The following MINDY2 variants were observed in gnomAD, a reference collection of about 807,000 sequenced individuals.
MINDY2 encodes the protein MINDY lysine 48 deubiquitinase 2.
A neutral mutation model predicts 68.2 loss-of-function variants in MINDY2; 52 were observed. The observed-to-expected ratio is 0.76, with a 90% CI of 0.61 to 0.96. The LOEUF is 0.96. Ranked by LOEUF, MINDY2 falls within the 40% of genes least tolerant of loss-of-function variation. The pLI, the probability that MINDY2 is intolerant of heterozygous loss-of-function variation, is 0.00. For missense variants in MINDY2, 881 were observed against 773.4 expected, an observed-to-expected ratio of 1.14 and a Z score of -1.65; for synonymous variants, 372 against 303.0, an observed-to-expected ratio of 1.23 and a Z score of -2.36.
chr15:58,825,279 A>G (rs2031320373), intron 5 of MINDY2, among the ~76,000 whole-genome samples: 1 of 152,200 alleles, frequency 6.6e-6, no homozygotes, highest in African/African-American at 2.4e-5. Context: ...TTTAGATAAC[A>G]TTTGCTTTCC....
chr15:58,778,572 A>C (rs1900922386), intron 1 of MINDY2, among the ~76,000 whole-genome samples: 1 of 151,480 alleles, frequency 6.6e-6, no homozygotes, highest in Non-Finnish European at 1.5e-5. Context: ...CTAAATCAAA[A>C]CACACTAAAA....
intron 6 of MINDY2, among the ~76,000 whole-genome samples, chr15:58,838,650 A>G (rs1233567995): frequency 7.6e-6 from 1 of 131,398 alleles, no homozygotes; most frequent in East Asian, 2.8e-4. Context: ...GCGGTGGCAC[A>G]ATCTCAGCTC....
At chr15:58,818,976 G>C (rs1016147518) in intron 4 of MINDY2, among the ~76,000 whole-genome samples, 3 of 151,854 alleles carry the variant, frequency 2.0e-5, no homozygotes, top group Admixed American at 1.3e-4. Context: ...GTTGGGTTTT[G>C]GGGGGTTTTG....
intron 6 of MINDY2, among the ~76,000 whole-genome samples, chr15:58,845,599 G>A (rs932904653): frequency 4.6e-5 from 7 of 152,156 alleles, no homozygotes; most frequent in Admixed American, 1.3e-4. Flanking sequence ...CTGTTGATGG[G>A]AATATAAATG....
intron 2 of MINDY2, among the ~76,000 whole-genome samples, chr15:58,791,620 A>ATGTG (rs1491325995): frequency 0.017 from 1,351 of 80,748 alleles, 18 homozygotes; most frequent in South Asian, 0.07. Flanking sequence ...CTGTCTCAAA[A>ATGTG]TATGTGTGTG....
intron 4 of MINDY2, among the ~76,000 whole-genome samples, chr15:58,819,190 T>A (rs1427691666): frequency 4.6e-5 from 7 of 152,208 alleles, no homozygotes; most frequent in Non-Finnish European, 8.8e-5. Flanking sequence ...GGCTAACGCC[T>A]GTGATCCCAA....
chr15:58,861,510 A>AT lies in MINDY2; in HGVS notation c.*6906dup, dbSNP rs1410799466. ...TTCATAGGAAAGAGCATTGAAATAC[A>AT]TTTTTTGCATAAAGATACCTAAAAC... On this transcript the variant is annotated 3_prime_UTR_variant, in exon 9 of 9. Transcript: ENST00000559228. 3.3e-5 allele frequency: 5 copies of AT among 152,162 alleles called. No individual in the cohort carries two copies. Among genetic ancestry groups the AT allele is most frequent in the African/African-American group, 9.7e-5 (4 of 41,444 alleles). 9.4% of individuals were successfully genotyped at this position (152,162 alleles called of 1,614,324 possible).
chr15:58,802,340 A>G lies in MINDY2; in HGVS notation c.926A>G (p.Lys309Arg). The change falls in exon 3 of 9, where the codon AAA (lysine) becomes AGA (arginine). Residue 309 changes from lysine (K) to arginine (R), a missense_variant. Transcript: ENST00000559228. ...LGDYMLDAKP[K>R]EISEIQRLNY... ...GATTACATGCTTGATGCAAAGCCAA[A>G]AGAAATTTCAGAAATTCAACGTTTA... 1.3e-6 allele frequency: 2 copies of G among 1,589,900 alleles called. No homozygotes were observed. The highest frequency in any genetic ancestry group is 8.5e-7 in the Non-Finnish European group (1 of 1,170,318).
At chr15:58,802,690 A>T (rs1902749047) in intron 3 of MINDY2, among the ~76,000 whole-genome samples, 1 of 151,940 alleles carries the variant, frequency 6.6e-6, no homozygotes, top group African/African-American at 2.4e-5. Context: ...ATTGACTTCC[A>T]GGTCAATTTG....
At chr15:58,823,698 G>C (rs2031215333) in intron 5 of MINDY2, among the ~76,000 whole-genome samples, 1 of 151,946 alleles carries the variant, frequency 6.6e-6, no homozygotes, top group Admixed American at 6.6e-5. Context: ...ACAAAAAACA[G>C]TATAGAGTCG....
Position 58,787,975 on chromosome 15 carries a change from A to G in MINDY2, c.898+12A>G, listed in dbSNP as rs1901622467. 1 of 1,564,646 alleles carries G rather than the reference A, an allele frequency of 6.4e-7. No homozygotes were observed. Among genetic ancestry groups the G allele is most frequent in the South Asian group, 1.2e-5 (1 of 81,148 alleles). On this transcript the variant is annotated intron_variant, in intron 2 of 8. Coordinates refer to ENST00000559228, the MANE Select transcript of MINDY2 (RefSeq NM_001040450.3). ...GATGGAATATTTAGGTTAGTGTTGAAAAGTGGATTTTATATCTCTTTCAAA... is the reference window on the plus strand; with the variant it reads ...GATGGAATATTTAGGTTAGTGTTGAGAAGTGGATTTTATATCTCTTTCAAA...
intron 4 of MINDY2, among the ~76,000 whole-genome samples, chr15:58,816,321 G>T (rs2030684818): frequency 6.6e-6 from 1 of 152,238 alleles, no homozygotes. Context: ...GATTCTGGCA[G>T]ATCAATGCCA....
Position 58,852,078 on chromosome 15 carries a change from G to T in MINDY2, c.1737+113G>T, listed in dbSNP as rs151320209. On this transcript the variant is annotated intron_variant, in intron 8 of 8. Transcript: ENST00000559228. Reference sequence around the variant, plus strand: ...GAGGCAGGCAGATTGCTTGAGCCCAGGAGTTCGAGACCAGCCTGGCCAACA... The same window carrying T: ...GAGGCAGGCAGATTGCTTGAGCCCATGAGTTCGAGACCAGCCTGGCCAACA... The T allele has an allele frequency of 8.0e-6, 6 of 752,648 alleles. No individual in the cohort carries two copies. In the African/African-American group the frequency reaches 9.1e-5, roughly 11 times the overall value. The allele number at this position is 752,648 out of a possible 1,614,324, so 46.6% of individuals were successfully genotyped here.
chr15:58,790,800 A>G (rs1267141342), intron 2 of MINDY2, among the ~76,000 whole-genome samples: 1 of 152,162 alleles, frequency 6.6e-6, no homozygotes, highest in Non-Finnish European at 1.5e-5. Flanking sequence ...GGATGGAAAT[A>G]GGAAAACTGA....
intron 6 of MINDY2, among the ~76,000 whole-genome samples, chr15:58,838,436 T>A (rs1277239228): frequency 1.3e-5 from 2 of 151,758 alleles, no homozygotes; most frequent in Non-Finnish European, 2.9e-5. Context: ...CAAACAAAAT[T>A]TAACATCTAG....
chr15:58,812,961 C>A (rs932740845), intron 4 of MINDY2, among the ~76,000 whole-genome samples: 1 of 152,212 alleles, frequency 6.6e-6, no homozygotes, highest in Admixed American at 6.5e-5. Flanking sequence ...ACCCACTTCT[C>A]TCACACCCTT....
At chr15:58,784,382 G>C (rs1000232770) in intron 1 of MINDY2, among the ~76,000 whole-genome samples, 1 of 152,014 alleles carries the variant, frequency 6.6e-6, no homozygotes, top group Non-Finnish European at 1.5e-5. Flanking sequence ...AATATTTATA[G>C]GGTAGGACAT....
chr15:58,784,133 T>G (rs1428601162), intron 1 of MINDY2, among the ~76,000 whole-genome samples: 3 of 151,936 alleles, frequency 2.0e-5, no homozygotes, highest in Non-Finnish European at 2.9e-5. Flanking sequence ...CAAGACCAGC[T>G]TGGGCAACAT....
Position 58,816,401 on chromosome 15 carries a change from C to A in MINDY2, c.1123-5316C>A, listed in dbSNP as rs146205499. On this transcript the variant is annotated intron_variant, in intron 4 of 8. Coordinates refer to ENST00000559228, the MANE Select transcript of MINDY2 (RefSeq NM_001040450.3). ...TGAATTCTTTTTTTTATTTTTAATT[C>A]TTTTTTTGTTTGCTTGTTTGTTTTT... 2.2e-3 allele frequency among the ~76,000 whole-genome samples: 341 copies of A among 151,996 alleles called. 3 individuals are homozygous for A. Among genetic ancestry groups the A allele is most frequent in the African/African-American group, 7.6e-3 (317 of 41,438 alleles).
Sources: gnomAD v4.1 joint callset for allele counts (sites outside exome capture counted in the v4.1 genomes callset) on GRCh38, gnomAD v4.1.1 for gene constraint, MANE v1.5 for transcripts, NCBI Gene and HGNC (gene_info 2026-07-23, HGNC 2026-07-21) for gene names.